KCTD16: variants seen among roughly 807,000 people sequenced by gnomAD.
The protein encoded by KCTD16 is potassium channel tetramerization domain containing 16, also known as BTB/POZ domain-containing protein KCTD16.
Under a neutral mutation model 33.2 loss-of-function variants are expected in KCTD16, and 13 were observed. The ratio of observed to expected loss-of-function variants is 0.39; its 90% CI spans 0.25 to 0.62. The LOEUF (loss-of-function observed/expected upper bound fraction) is 0.62. Ranked by LOEUF, KCTD16 falls within the 20% of genes least tolerant of loss-of-function variation. The pLI is 0.50. For synonymous variants in KCTD16, 197 were observed against 195.3 expected (o/e 1.01, Z -0.07); for missense variants, 441 against 525.1 (o/e 0.84, Z 1.57).
At chr5:144,417,258 C>T (rs992003904) in intron 3 of KCTD16, among the ~76,000 whole-genome samples, 1 of 152,082 alleles carries the variant, frequency 6.6e-6, no homozygotes, top group Non-Finnish European at 1.5e-5. Flanking sequence ...AATTTCTTTA[C>T]CTCTTCATCA....
chr5:144,196,236 C>T (rs1247864272), intron 2 of KCTD16, among the ~76,000 whole-genome samples: 1 of 152,084 alleles, frequency 6.6e-6, no homozygotes, highest in Non-Finnish European at 1.5e-5. Context: ...TGGCCAGTGG[C>T]TCTGCAGGTG....
intron 3 of KCTD16, among the ~76,000 whole-genome samples, chr5:144,302,221 T>C (rs1580856946): frequency 6.6e-6 from 1 of 152,126 alleles, no homozygotes; most frequent in African/African-American, 2.4e-5. Flanking sequence ...TGCACAGTGG[T>C]CAAGTGTCTT....
chr5:144,313,792 TTAG>T (rs1291856929), intron 3 of KCTD16, among the ~76,000 whole-genome samples: 5 of 152,280 alleles, frequency 3.3e-5, no homozygotes, highest in Middle Eastern at 3.4e-3. Flanking sequence ...ACTTTTGCTC[TTAG>T]TAGTAGTTGC....
intron 3 of KCTD16, among the ~76,000 whole-genome samples, chr5:144,249,936 C>G (rs1700980952): frequency 6.6e-6 from 1 of 152,130 alleles, no homozygotes; most frequent in African/African-American, 2.4e-5. Context: ...CTAAATGGGT[C>G]AGATAAAATT....
chr5:144,431,793 T>A (rs933786095), intron 3 of KCTD16, among the ~76,000 whole-genome samples: 4 of 152,184 alleles, frequency 2.6e-5, no homozygotes, highest in Non-Finnish European at 4.4e-5. Context: ...AGATAATACA[T>A]GCACTCAATA....
chr5:144,432,128 G>T (rs969104522), intron 3 of KCTD16, among the ~76,000 whole-genome samples: 1 of 151,934 alleles, frequency 6.6e-6, no homozygotes, highest in African/African-American at 2.4e-5. Context: ...ATACATTTAG[G>T]TCTTCATGCC....
chr5:144,349,229 G>T (rs1242832851), intron 3 of KCTD16, among the ~76,000 whole-genome samples: 1 of 152,168 alleles, frequency 6.6e-6, no homozygotes. Context: ...CCAAGAGGTG[G>T]TGCTTTGCAT....
At chr5:144,313,439 TAGACTGTCACCTGTGATTGGACATGA>T (rs1751823182) in intron 3 of KCTD16, among the ~76,000 whole-genome samples, 2 of 152,152 alleles carry the variant, frequency 1.3e-5, no homozygotes, top group Non-Finnish European at 2.9e-5. Context: ...GAATAACCCT[TAGACTGTCACCTGTGATTGGACATGA>T]AAATACTAAA....
At chr5:144,367,655 A>G (rs1580906771) in intron 3 of KCTD16, among the ~76,000 whole-genome samples, 1 of 147,768 alleles carries the variant, frequency 6.8e-6, no homozygotes, top group Admixed American at 6.7e-5. Context: ...TTCCCCCCAT[A>G]CTCTAGAATT....
chr5:144,358,472 G>A (rs1262621479), intron 3 of KCTD16, among the ~76,000 whole-genome samples: 1 of 152,166 alleles, frequency 6.6e-6, no homozygotes, highest in African/African-American at 2.4e-5. Context: ...TTGAATGATA[G>A]TATATGGAAT....
intron 3 of KCTD16, among the ~76,000 whole-genome samples, chr5:144,440,908 GTCCCCGGTGTGTGATGT>G (rs1753691360): frequency 1.2e-5 from 1 of 82,904 alleles, no homozygotes. Flanking sequence ...CCCCACAACA[GTCCCCGGTGTGTGATGT>G]TCCCCTTCCT....
At chr5:144,199,838 T>C (rs1753009361) in intron 2 of KCTD16, among the ~76,000 whole-genome samples, 1 of 147,228 alleles carries the variant, frequency 6.8e-6, no homozygotes, top group African/African-American at 2.5e-5. Flanking sequence ...TGATTCAGCC[T>C]CCCGTAGCTG....
chr5:144,330,431 A>T (rs1165729747), intron 3 of KCTD16, among the ~76,000 whole-genome samples: 1 of 147,694 alleles, frequency 6.8e-6, no homozygotes, highest in African/African-American at 2.5e-5. Context: ...AAAAAAAAAA[A>T]AAAGACATCT....
Position 144,485,381 on chromosome 5 carries a change from ACTCTT to A in KCTD16, c.*11268_*11272del, listed in dbSNP as rs1340612178. The A allele has an allele frequency of 6.6e-6, 1 of 151,572 alleles. No individual in the cohort carries two copies. The highest frequency in any genetic ancestry group is 2.4e-5 in the African/African-American group (1 of 41,276). The allele number at this position is 151,572 out of a possible 1,614,324, so 9.4% of individuals were successfully genotyped here. On this transcript the variant is annotated 3_prime_UTR_variant, in exon 4 of 4. Transcript: ENST00000512467. ...TTCTCACTGCCAATGGAAACAAACT[ACTCTT>A]TTCTTTGGATTCATTGATGGATATA...
At chr5:144,345,152 C>A (rs1436890397) in intron 3 of KCTD16, among the ~76,000 whole-genome samples, 1 of 138,620 alleles carries the variant, frequency 7.2e-6, no homozygotes, top group Non-Finnish European at 1.5e-5. Context: ...GGGAATTGAA[C>A]AATGAGAACA....
intron 3 of KCTD16, among the ~76,000 whole-genome samples, chr5:144,285,981 T>C (rs111985755): frequency 4.8e-4 from 67 of 140,626 alleles, no homozygotes; most frequent in African/African-American, 6.7e-4. Context: ...TTTTTTTTTT[T>C]CAGATAAAAG....
chr5:144,399,623 G>T (rs571311916), intron 3 of KCTD16, among the ~76,000 whole-genome samples: 4 of 152,204 alleles, frequency 2.6e-5, no homozygotes, highest in African/African-American at 9.6e-5. Flanking sequence ...AGCTAGTCTA[G>T]TCCATGAAAT....
At chr5:144,218,019 C>CT (rs1753618107) in intron 3 of KCTD16, among the ~76,000 whole-genome samples, 1 of 152,192 alleles carries the variant, frequency 6.6e-6, no homozygotes, top group Non-Finnish European at 1.5e-5. Context: ...CCTGACCTTG[C>CT]TGTGCCCTTT....
chr5:144,412,800 C>T (rs183956049), intron 3 of KCTD16, among the ~76,000 whole-genome samples: 2 of 152,176 alleles, frequency 1.3e-5, no homozygotes, highest in South Asian at 2.1e-4. Flanking sequence ...GCACGAGAGT[C>T]GCTTGAACCT....
Sources: allele counts gnomAD v4.1 joint callset (sites outside exome capture counted in the v4.1 genomes callset), GRCh38; gene constraint gnomAD v4.1.1; transcripts MANE v1.5; gene names NCBI Gene and HGNC (gene_info 2026-07-23, HGNC 2026-07-21).